The following FOXP2 variants were observed in gnomAD, a reference collection of about 807,000 sequenced individuals.
FOXP2 encodes forkhead box protein P2.
Under a neutral mutation model 115.8 loss-of-function variants are expected in FOXP2, and 12 were observed. The ratio of observed to expected loss-of-function variants is 0.10; its 90% confidence interval spans 0.07 to 0.17. FOXP2 has a LOEUF of 0.17. FOXP2 is among the 10% of genes least tolerant of loss of function. The pLI is 1.00. For missense variants in FOXP2, 629 were observed against 843.5 expected (o/e 0.75, Z 3.15); for synonymous variants, 328 against 297.7 (o/e 1.10, Z -1.05).
At chr7:114,486,571 C>T (rs866965219) in intron 2 of FOXP2, among the ~76,000 whole-genome samples, 19 of 152,134 alleles carry the variant, frequency 1.2e-4, no homozygotes, top group South Asian at 2.1e-4. Flanking sequence ...TTAACTTAAA[C>T]GTCCACAGTC....
chr7:114,422,798 G>C (rs1343613809), intron 1 of FOXP2, among the ~76,000 whole-genome samples: 1 of 151,692 alleles, frequency 6.6e-6, no homozygotes, highest in Non-Finnish European at 1.5e-5. Context: ...ACTCTGGCAT[G>C]TAACTATCTC....
At chr7:114,672,800 G>A (rs1335163067) in intron 16 of FOXP2, among the ~76,000 whole-genome samples, 1 of 152,140 alleles carries the variant, frequency 6.6e-6, no homozygotes, top group Admixed American at 6.5e-5. Flanking sequence ...GTGGAAAGTA[G>A]CCTCTGTAAA....
Position 114,663,539 on chromosome 7 carries a change from T to C in FOXP2, c.1839+20T>C. 1 of 1,598,086 alleles carries C rather than the reference T, an allele frequency of 6.3e-7. No individual in the cohort carries two copies. The highest frequency in any genetic ancestry group is 1.3e-5 in the African/African-American group (1 of 74,256). On this transcript the variant is annotated intron_variant, in intron 15 of 16. Coordinates refer to ENST00000350908, the MANE Select transcript of FOXP2 (RefSeq NM_014491.4). ...TTGCAGGTAATGTACTTTCCCAGTT[T>C]TGTTGTATTTGAATGTTTAGGGCTT...
intron 2 of FOXP2, among the ~76,000 whole-genome samples, chr7:114,503,261 C>T (rs574701518): frequency 8.6e-5 from 13 of 151,704 alleles, no homozygotes; most frequent in African/African-American, 3.1e-4. Flanking sequence ...AAAATAGTAC[C>T]TTCTTTTAAT....
At chr7:114,393,342 C>CAA (rs150167859) in intron 2 of FOXP2, among the ~76,000 whole-genome samples, 4 of 151,520 alleles carry the variant, frequency 2.6e-5, no homozygotes, top group African/African-American at 7.3e-5. Flanking sequence ...TTGCTTGTGG[C>CAA]AAAAAAATGG....
intron 1 of FOXP2, among the ~76,000 whole-genome samples, chr7:114,184,625 C>A (rs1333466254): frequency 9.2e-5 from 14 of 152,014 alleles, no homozygotes; most frequent in Admixed American, 9.2e-4. Context: ...TTCATTGATA[C>A]GTAGAAATGA....
intron 2 of FOXP2, among the ~76,000 whole-genome samples, chr7:114,363,721 G>A (rs187172913): frequency 4.6e-5 from 7 of 151,948 alleles, no homozygotes; most frequent in Admixed American, 2.0e-4. Context: ...TTTAAAACAT[G>A]CTAGATAAAG....
At chr7:114,554,910 T>G (rs1258894802) in intron 3 of FOXP2, among the ~76,000 whole-genome samples, 2 of 152,144 alleles carry the variant, frequency 1.3e-5, no homozygotes, top group Admixed American at 6.6e-5. Context: ...ATGTCAGGAT[T>G]CAGACACGTG....
At chr7:114,516,603 C>T (rs1446707351) in intron 2 of FOXP2, among the ~76,000 whole-genome samples, 1 of 151,962 alleles carries the variant, frequency 6.6e-6, no homozygotes, top group East Asian at 1.9e-4. Flanking sequence ...TCCATAATAG[C>T]TGTGCCAATT....
intron 1 of FOXP2, among the ~76,000 whole-genome samples, chr7:114,121,519 G>A (rs1314922048): frequency 5.3e-5 from 8 of 152,078 alleles, no homozygotes; most frequent in African/African-American, 1.9e-4. Context: ...TGGATATATG[G>A]ATCTTGAACT....
At chr7:114,467,628 T>C (rs1795864066) in intron 2 of FOXP2, among the ~76,000 whole-genome samples, 1 of 152,186 alleles carries the variant, frequency 6.6e-6, no homozygotes, top group Non-Finnish European at 1.5e-5. Flanking sequence ...GCTCTGTCTG[T>C]TACAAACTGG....
At chr7:114,274,379 T>G (rs184402777) in intron 1 of FOXP2, among the ~76,000 whole-genome samples, 1 of 152,122 alleles carries the variant, frequency 6.6e-6, no homozygotes, top group Non-Finnish European at 1.5e-5. Flanking sequence ...TAATTTTACC[T>G]TCTCTTATTC....
At chr7:114,563,076 C>T (rs778813516) in intron 3 of FOXP2, among the ~76,000 whole-genome samples, 1 of 152,128 alleles carries the variant, frequency 6.6e-6, no homozygotes, top group Non-Finnish European at 1.5e-5. Context: ...TTTTATAAAA[C>T]CATCAGATCT....
At chr7:114,292,387 C>A (rs775693749) in intron 2 of FOXP2, among the ~76,000 whole-genome samples, 2 of 152,012 alleles carry the variant, frequency 1.3e-5, no homozygotes, top group African/African-American at 2.4e-5. Context: ...TTCCTCTTTG[C>A]CTAAAATTCA....
chr7:114,689,921 G>A lies in FOXP2; in HGVS notation c.2143G>A (p.Glu715Lys), dbSNP rs1808570438. ...IEEEPLSEDL[E>K] The stretch of plus-strand genomic sequence containing the variant: ...AGAAGAGCCTTTATCTGAAGATCTG[G>A]AATGAGAACTGACTTGTGAAACCTC... Residue 715 changes from glutamate to lysine, a missense_variant, in exon 17 of 17, where the codon GAA (glutamate) becomes AAA (lysine). Physicochemically the swap from Glu to Lys is moderately conservative, Grantham distance 56. Coordinates refer to ENST00000350908, the MANE Select transcript of FOXP2 (RefSeq NM_014491.4). 6.2e-7 allele frequency: 1 copy of A among 1,613,032 alleles called. No homozygotes were observed. The highest frequency in any genetic ancestry group is 2.2e-5 in the East Asian group (1 of 44,838).
intron 2 of FOXP2, among the ~76,000 whole-genome samples, chr7:114,320,489 T>C (rs1797393746): frequency 6.6e-6 from 1 of 152,220 alleles, no homozygotes; most frequent in East Asian, 1.9e-4. Context: ...TGTCACTATA[T>C]TGTAACTTCT....
At chr7:114,678,098 A>ATT (rs1182392671) in intron 16 of FOXP2, among the ~76,000 whole-genome samples, 1 of 152,198 alleles carries the variant, frequency 6.6e-6, no homozygotes, top group Non-Finnish European at 1.5e-5. Flanking sequence ...GAAGGATGTA[A>ATT]TTTTGAGTTA....
chr7:114,598,381 A>T (rs1181400993), intron 3 of FOXP2, among the ~76,000 whole-genome samples: 1 of 152,130 alleles, frequency 6.6e-6, no homozygotes, highest in Non-Finnish European at 1.5e-5. Flanking sequence ...TTTGATGGAT[A>T]CTGCCTTACA....
At chr7:114,530,685 A>C (rs533813865) in intron 2 of FOXP2, among the ~76,000 whole-genome samples, 1 of 151,996 alleles carries the variant, frequency 6.6e-6, no homozygotes, top group Admixed American at 6.6e-5. Flanking sequence ...AAGCATTTTC[A>C]TCCTTAGTTA....
Sources: gnomAD v4.1 joint callset for allele counts (sites outside exome capture counted in the v4.1 genomes callset) on GRCh38, gnomAD v4.1.1 for gene constraint, MANE v1.5 for transcripts, NCBI Gene and HGNC (gene_info 2026-07-23, HGNC 2026-07-21) for gene names.